The following HOMER1 variants were observed in gnomAD, a reference collection of about 807,000 sequenced individuals.
HOMER1 encodes the protein homer protein homolog 1.
Under a neutral mutation model 48.9 loss-of-function variants are expected in HOMER1, and 3 were observed. The ratio of observed to expected loss-of-function variants is 0.06; its 90% confidence interval spans 0.03 to 0.16. HOMER1 has a LOEUF of 0.16. HOMER1 is among the 10% of genes least tolerant of loss of function. The probability of loss-of-function intolerance (pLI) is 1.00; values close to 1 mark genes in which losing one functional copy is unlikely to be tolerated. For synonymous variants in HOMER1, 134 were observed against 146.4 expected, an observed-to-expected ratio of 0.92 and a Z score of 0.61; for missense variants, 247 against 411.4, an observed-to-expected ratio of 0.60 and a Z score of 3.46.
intron 2 of HOMER1, among the ~76,000 whole-genome samples, chr5:79,455,238 T>C (rs1183542510): frequency 2.0e-5 from 3 of 152,004 alleles, no homozygotes; most frequent in Non-Finnish European, 4.4e-5. Flanking sequence ...TGCCCAGCCC[T>C]GCATGCAGAA....
chr5:79,498,033 C>T (rs1053300822), intron 1 of HOMER1, among the ~76,000 whole-genome samples: 1 of 152,172 alleles, frequency 6.6e-6, no homozygotes, highest in East Asian at 1.9e-4. Flanking sequence ...TTGAGAACCA[C>T]TGATCTAATA....
chr5:79,424,786 G>T (rs1221300224), intron 5 of HOMER1, among the ~76,000 whole-genome samples: 2 of 151,992 alleles, frequency 1.3e-5, no homozygotes, highest in African/African-American at 4.8e-5. Flanking sequence ...GCTTATTTTT[G>T]ACTATATTTA....
chr5:79,471,410 G>T (rs1430921552), intron 1 of HOMER1, among the ~76,000 whole-genome samples: 3 of 152,008 alleles, frequency 2.0e-5, no homozygotes, highest in African/African-American at 7.2e-5. Context: ...GCCGGGCATG[G>T]TGGCATGTAC....
Position 79,376,074 on chromosome 5 carries a change from C to T in HOMER1, c.1000G>A (p.Asp334Asn). Residue 334 changes from aspartate (D) to asparagine (N), a missense_variant, in exon 9 of 9, where the codon GAT becomes AAT. Asp to Asn is a conservative substitution (Grantham distance 23). This residue lies in a region of HOMER1 where 113 missense variants were observed against 152.5 expected (regional missense o/e 0.74). Coordinates refer to ENST00000334082, the MANE Select transcript of HOMER1 (RefSeq NM_004272.5). ...NNLKTLLEIL[D>N]GKIFELTELR... ...TCTGTTAGTTCAAATATCTTTCCAT[C>T]CAGAATTTCTAAGAGTGTCTTCAGG... 1.2e-6 allele frequency: 2 copies of T among 1,613,360 alleles called. No individual in the cohort carries two copies. Among genetic ancestry groups the T allele is most frequent in the Non-Finnish European group, 1.7e-6 (2 of 1,179,576 alleles).
chr5:79,459,466 G>T (rs1272718154), intron 1 of HOMER1, among the ~76,000 whole-genome samples: 1 of 151,948 alleles, frequency 6.6e-6, no homozygotes, highest in Admixed American at 6.6e-5. Flanking sequence ...TGAACAGCTG[G>T]TTTTTTTAAA....
intron 8 of HOMER1, among the ~76,000 whole-genome samples, chr5:79,390,629 T>C (rs1488042548): frequency 6.6e-6 from 1 of 152,118 alleles, no homozygotes; most frequent in East Asian, 1.9e-4. Flanking sequence ...TATCCAAGTA[T>C]ATGAACACAA....
chr5:79,413,254 G>C (rs966913963), intron 5 of HOMER1, among the ~76,000 whole-genome samples: 1 of 152,150 alleles, frequency 6.6e-6, no homozygotes, highest in Non-Finnish European at 1.5e-5. Flanking sequence ...CAGGAAACTA[G>C]ATTATTGGCA....
chr5:79,401,662 T>C (rs62363108), intron 6 of HOMER1, among the ~76,000 whole-genome samples: 3,273 of 152,296 alleles, frequency 0.021, 67 homozygotes, highest in Non-Finnish European at 0.028. Context: ...CTAGTCCCCA[T>C]GGATAATATG....
At chr5:79,451,556 CTTTTTTTTTTTTTTTTTT>C (rs71615542) in intron 2 of HOMER1, among the ~76,000 whole-genome samples, 2 of 64,630 alleles carry the variant, frequency 3.1e-5, no homozygotes, top group Admixed American at 4.5e-4. Context: ...AAATATGACA[CTTTTTTTTTTTTTTTTTT>C]TTTTTTTTTT....
intron 8 of HOMER1, among the ~76,000 whole-genome samples, chr5:79,377,405 T>C (rs1477696652): frequency 6.6e-6 from 1 of 152,222 alleles, no homozygotes; most frequent in Non-Finnish European, 1.5e-5. Context: ...AAGCCAACTA[T>C]TACACTTTAA....
chr5:79,498,229 G>A lies in HOMER1; in HGVS notation c.5+14541C>T, dbSNP rs187517388. ...CAGCCTGACCAACATGGAGAAACCC[G>A]TCTCTACTAAAAACACAAAATTAGC... On this transcript the variant is annotated intron_variant, in intron 1 of 8. Transcript: ENST00000334082. Among the ~76,000 whole-genome samples the A allele has an allele frequency of 8.5e-5, 13 of 152,110 alleles. No homozygotes were observed. In the East Asian group the frequency reaches 1.9e-3, roughly 23 times the overall value.
chr5:79,422,536 CT>C (rs1321984309), intron 5 of HOMER1, among the ~76,000 whole-genome samples: 1 of 151,626 alleles, frequency 6.6e-6, no homozygotes, highest in Non-Finnish European at 1.5e-5. Flanking sequence ...GAAAAATTCC[CT>C]GACCATATGC....
intron 3 of HOMER1, among the ~76,000 whole-genome samples, chr5:79,448,236 C>T (rs542204450): frequency 1.2e-4 from 18 of 152,202 alleles, no homozygotes; most frequent in Middle Eastern, 3.4e-3. Flanking sequence ...CATCTGAATA[C>T]GAAGCTACAA....
intron 3 of HOMER1, among the ~76,000 whole-genome samples, chr5:79,450,533 C>A (rs564843489): frequency 6.6e-6 from 1 of 152,268 alleles, no homozygotes; most frequent in African/African-American, 2.4e-5. Context: ...TCGGAGTATT[C>A]CACATCCAGA....
rs372811838 is a variant in HOMER1, at chr5:79,417,291, T to C, written c.528-15236A>G. ...CTGAGTAGCTGGGACTACAGGGGCC[T>C]GCCACCACGTCCGGCTAATGTTTTG... On this transcript the variant is annotated intron_variant, in intron 5 of 8. Coordinates refer to ENST00000334082, the MANE Select transcript of HOMER1 (RefSeq NM_004272.5). Among the ~76,000 whole-genome samples the C allele has an allele frequency of 4.6e-4, 70 of 152,218 alleles. 2 individuals carry two copies. Among genetic ancestry groups the C allele is most frequent in the African/African-American group, 1.3e-3 (52 of 41,550 alleles).
At chr5:79,440,650 C>T (rs1750713116) in intron 4 of HOMER1, among the ~76,000 whole-genome samples, 3 of 152,104 alleles carry the variant, frequency 2.0e-5, no homozygotes, top group Admixed American at 2.0e-4. Context: ...ATAGCAATCA[C>T]AAAGTGACTA....
At chr5:79,423,207 G>A (rs560362929) in intron 5 of HOMER1, among the ~76,000 whole-genome samples, 5 of 152,106 alleles carry the variant, frequency 3.3e-5, no homozygotes, top group African/African-American at 1.2e-4. Flanking sequence ...GTGTTTCAAA[G>A]AGAGCCACTA....
rs1748866304 is a variant in HOMER1 at position 79,379,114 on chromosome 5, A to C, written c.877-2917T>G. On this transcript the variant is annotated intron_variant, in intron 8 of 8. Coordinates refer to ENST00000334082, the MANE Select transcript of HOMER1 (RefSeq NM_004272.5). ...TATATATATATATATATATATATATAAAATATATAAATATTTATTTATATA... is the reference window on the plus strand; with the variant it reads ...TATATATATATATATATATATATATCAAATATATAAATATTTATTTATATA... 3.6e-5 allele frequency among the ~76,000 whole-genome samples: 3 copies of C among 82,250 alleles called. 1 individual carries two copies. In the South Asian group the frequency reaches 1.1e-3, roughly 31 times the overall value. 54.0% of individuals were successfully genotyped at this position (82,250 alleles called of 152,430 possible).
Position 79,502,948 on chromosome 5 carries a change from G to A in HOMER1, c.5+9822C>T, listed in dbSNP as rs147348444. 7.6e-3 allele frequency among the ~76,000 whole-genome samples: 1,145 copies of A among 151,524 alleles called. 11 individuals carry two copies. Among genetic ancestry groups the A allele is most frequent in the African/African-American group, 0.026 (1,054 of 41,166 alleles). On this transcript the variant is annotated intron_variant, in intron 1 of 8. Coordinates refer to ENST00000334082, the MANE Select transcript of HOMER1 (RefSeq NM_004272.5). Reference sequence around the variant, plus strand: ...TGTGACTACAGGCGCCCGCCACCACGCCCGGCTAATTTTTTGTATTTTAAG... The same window carrying A: ...TGTGACTACAGGCGCCCGCCACCACACCCGGCTAATTTTTTGTATTTTAAG...
Sources: gnomAD v4.1 joint callset for allele counts (sites outside exome capture counted in the v4.1 genomes callset) on GRCh38, gnomAD v4.1.1 for gene constraint, gnomAD v4.1.1 regional missense constraint, MANE v1.5 for transcripts, NCBI Gene and HGNC (gene_info 2026-07-23, HGNC 2026-07-21) for gene names.